Variants in NIBAN1 observed in about 807,000 individuals in gnomAD.
NIBAN1 encodes the protein niban apoptosis regulator 1, also known as protein Niban 1.
NIBAN1 carries 81 observed loss-of-function variants against 75.1 expected under a neutral mutation model. The observed-to-expected ratio is 1.08, with a 90% confidence interval of 0.90 to 1.30. The LOEUF (loss-of-function observed/expected upper bound fraction) is 1.30, where lower values mean the gene tolerates loss of function less well. Among genes scored for constraint, NIBAN1 ranks in the 50% most tolerant of loss-of-function variants. The pLI is 0.00. For synonymous variants in NIBAN1, 436 were observed against 424.8 expected (o/e 1.03, Z -0.32); for missense variants, 1,133 against 1,128.1 (o/e 1.00, Z -0.06).
intron 5 of NIBAN1, among the ~76,000 whole-genome samples, chr1:184,871,347 C>CAA (rs10658216): frequency 0.041 from 1,411 of 34,254 alleles, 60 homozygotes; most frequent in African/African-American, 0.058. Flanking sequence ...AACTCTATCT[C>CAA]AAAAAAAAAA....
Position 184,840,992 on chromosome 1 carries a change from T to C in NIBAN1, c.602-9030A>G, listed in dbSNP as rs112417909. ...GTGTGTGTGTGTATGTGTATTATAG[T>C]TATTAAATTTTCTTTACCAACTACA... On this transcript the variant is annotated intron_variant, in intron 5 of 13. Coordinates refer to ENST00000367511, the MANE Select transcript of NIBAN1 (RefSeq NM_052966.4). 4.7e-3 allele frequency among the ~76,000 whole-genome samples: 719 copies of C among 151,396 alleles called. 9 individuals are homozygous for C. Among genetic ancestry groups the C allele is most frequent in the African/African-American group, 0.016 (674 of 41,178 alleles).
chr1:184,894,540 G>C (rs893993781), intron 2 of NIBAN1, among the ~76,000 whole-genome samples: 1 of 152,248 alleles, frequency 6.6e-6, no homozygotes, highest in African/African-American at 2.4e-5. Context: ...CTCTATGGGA[G>C]AGAGGGAGTG....
At chr1:184,943,111 T>C (rs868769231) in intron 1 of NIBAN1, among the ~76,000 whole-genome samples, 1 of 152,132 alleles carries the variant, frequency 6.6e-6, no homozygotes, top group African/African-American at 2.4e-5. Context: ...CAGAAAAACA[T>C]AGTAGACATA....
At chr1:184,821,543 G>T (rs1571491895) in intron 8 of NIBAN1, 3 of 151,988 alleles carry the variant, frequency 2.0e-5, no homozygotes. Flanking sequence ...CTTCTTTTAG[G>T]AAATAAATAC....
chr1:184,890,340 T>C, intron 3 of NIBAN1, 118 bp from the exon 4 acceptor site: 2 of 702,490 alleles, frequency 2.8e-6, no homozygotes, highest in Non-Finnish European at 5.0e-6. Context: ...CCCCATACTA[T>C]GTTATTGAGT....
chr1:184,918,441 CT>C (rs943504375), intron 1 of NIBAN1, among the ~76,000 whole-genome samples: 6 of 152,194 alleles, frequency 3.9e-5, no homozygotes, highest in African/African-American at 1.4e-4. Flanking sequence ...CTTCCAGGCT[CT>C]TCTCAAGTTG....
intron 6 of NIBAN1, among the ~76,000 whole-genome samples, chr1:184,829,019 C>A (rs754121137): frequency 5.9e-5 from 9 of 152,090 alleles, no homozygotes; most frequent in Non-Finnish European, 1.3e-4. Context: ...AGGCTAATCT[C>A]GAACTCCCGG....
At chr1:184,954,790 A>G (rs1387833985) in intron 1 of NIBAN1, among the ~76,000 whole-genome samples, 2 of 152,196 alleles carry the variant, frequency 1.3e-5, no homozygotes, top group Admixed American at 6.5e-5. Context: ...GGAGACCTGA[A>G]TTCCAAGCCT....
chr1:184,936,848 C>T (rs552373370), intron 1 of NIBAN1, among the ~76,000 whole-genome samples: 1 of 152,248 alleles, frequency 6.6e-6, no homozygotes, highest in African/African-American at 2.4e-5. Context: ...TTTACAAGTT[C>T]CAGGGATTAG....
chr1:184,855,912 A>G (rs892928906), intron 5 of NIBAN1, among the ~76,000 whole-genome samples: 13 of 152,310 alleles, frequency 8.5e-5, no homozygotes, highest in Admixed American at 8.5e-4. Flanking sequence ...ATCTAGACCC[A>G]TGTTTCTAGC....
chr1:184,880,802 C>A (rs890523026), intron 5 of NIBAN1, among the ~76,000 whole-genome samples: 1 of 152,170 alleles, frequency 6.6e-6, no homozygotes, highest in African/African-American at 2.4e-5. Context: ...TTTTGGACAA[C>A]AGGACTGTCT....
chr1:184,933,341 T>C (rs1475813630), intron 1 of NIBAN1, among the ~76,000 whole-genome samples: 2 of 152,236 alleles, frequency 1.3e-5, no homozygotes, highest in Non-Finnish European at 2.9e-5. Flanking sequence ...AGAAGGTCCC[T>C]GCCCTGAGGA....
At chr1:184,914,732 T>G (rs888728315) in intron 1 of NIBAN1, among the ~76,000 whole-genome samples, 1 of 151,226 alleles carries the variant, frequency 6.6e-6, no homozygotes, top group African/African-American at 2.4e-5. Flanking sequence ...TTTTTTTTTT[T>G]TTTTTTGAGA....
intron 1 of NIBAN1, among the ~76,000 whole-genome samples, chr1:184,972,400 G>C (rs1658962526): frequency 6.6e-6 from 1 of 152,192 alleles, no homozygotes; most frequent in African/African-American, 2.4e-5. Flanking sequence ...ACAGCCCTGT[G>C]ACCCTCATTT....
At chr1:184,964,007 G>A (rs1475844585) in intron 1 of NIBAN1, among the ~76,000 whole-genome samples, 2 of 151,818 alleles carry the variant, frequency 1.3e-5, no homozygotes, top group Admixed American at 1.3e-4. Context: ...TAACTAAATC[G>A]GTGTTATACC....
At chr1:184,857,722 T>C (rs2102271834) in intron 5 of NIBAN1, among the ~76,000 whole-genome samples, 1 of 152,262 alleles carries the variant, frequency 6.6e-6, no homozygotes, top group East Asian at 1.9e-4. Context: ...GTTATCTAGG[T>C]ATTCTTTTCT....
intron 5 of NIBAN1, among the ~76,000 whole-genome samples, chr1:184,864,056 A>G (rs1655885528): frequency 6.6e-6 from 1 of 152,208 alleles, no homozygotes; most frequent in African/African-American, 2.4e-5. Flanking sequence ...ATAATCCTTT[A>G]GTTGTCAGGC....
intron 1 of NIBAN1, among the ~76,000 whole-genome samples, chr1:184,968,702 G>T (rs558478336): frequency 6.6e-6 from 1 of 152,178 alleles, no homozygotes; most frequent in African/African-American, 2.4e-5. Flanking sequence ...GCTTTGGGCC[G>T]CACGTAAAAA....
At chr1:184,973,509 T>TG (rs1483671634) in intron 1 of NIBAN1, among the ~76,000 whole-genome samples, 1 of 119,664 alleles carries the variant, frequency 8.4e-6, no homozygotes, top group African/African-American at 3.1e-5. Context: ...AAGTTTGGGG[T>TG]GGGGGGTGAG....
Sources: allele counts gnomAD v4.1 joint callset (sites outside exome capture counted in the v4.1 genomes callset), GRCh38; gene constraint gnomAD v4.1.1; transcripts MANE v1.5; gene names NCBI Gene and HGNC (gene_info 2026-07-23, HGNC 2026-07-21).